The following GRM8 variants were observed in gnomAD, a reference collection of about 807,000 sequenced individuals.
GRM8 encodes the protein metabotropic glutamate receptor 8.
Under a neutral mutation model 87.2 loss-of-function variants are expected in GRM8, and 47 were observed. That is an observed-to-expected ratio of 0.54 (90% CI 0.43 to 0.69). The LOEUF (loss-of-function observed/expected upper bound fraction) is 0.69. Ranked by LOEUF, GRM8 falls within the 30% of genes least tolerant of loss-of-function variation. The pLI, the probability that GRM8 is intolerant of heterozygous loss-of-function variation, is 0.00. For synonymous variants in GRM8, 396 were observed against 404.5 expected (o/e 0.98, Z 0.25); for missense variants, 1,019 against 1,139.2 (o/e 0.89, Z 1.52).
intron 8 of GRM8, among the ~76,000 whole-genome samples, chr7:126,542,031 C>G (rs942326574): frequency 1.4e-4 from 21 of 152,282 alleles, no homozygotes; most frequent in African/African-American, 4.8e-4. Context: ...AATTAGGACA[C>G]AGGCATGAAT....
chr7:127,144,255 A>C (rs1206434770), intron 2 of GRM8, among the ~76,000 whole-genome samples: 1 of 152,146 alleles, frequency 6.6e-6, no homozygotes, highest in Non-Finnish European at 1.5e-5. Context: ...TTTATCAAGA[A>C]GAAAAAGAAA....
At chr7:127,249,410 G>T (rs1222306505) in intron 1 of GRM8, among the ~76,000 whole-genome samples, 1 of 152,126 alleles carries the variant, frequency 6.6e-6, no homozygotes, top group Non-Finnish European at 1.5e-5. Context: ...TCCTAGGAGA[G>T]CCATAATTTA....
intron 2 of GRM8, among the ~76,000 whole-genome samples, chr7:127,157,015 T>G (rs1279977763): frequency 6.6e-6 from 1 of 152,100 alleles, no homozygotes; most frequent in African/African-American, 2.4e-5. Context: ...AATATACAAG[T>G]GTCCACATCT....
At chr7:126,662,233 A>G (rs1805254636) in intron 7 of GRM8, among the ~76,000 whole-genome samples, 1 of 152,232 alleles carries the variant, frequency 6.6e-6, no homozygotes, top group African/African-American at 2.4e-5. Flanking sequence ...AGAATAAGCA[A>G]TGATAAAAAC....
intron 8 of GRM8, among the ~76,000 whole-genome samples, chr7:126,566,845 C>A (rs1794259754): frequency 6.6e-6 from 1 of 152,018 alleles, no homozygotes; most frequent in Non-Finnish European, 1.5e-5. Flanking sequence ...TATTATTTAT[C>A]TTTTTTAAAG....
At chr7:126,920,295 A>C (rs1028539637) in intron 3 of GRM8, among the ~76,000 whole-genome samples, 19 of 152,092 alleles carry the variant, frequency 1.2e-4, no homozygotes, top group African/African-American at 4.6e-4. Context: ...TGTTTAAGCT[A>C]CTCAGTTTAT....
chr7:126,588,068 T>C (rs1402714585), intron 8 of GRM8, among the ~76,000 whole-genome samples: 1 of 152,178 alleles, frequency 6.6e-6, no homozygotes, highest in Non-Finnish European at 1.5e-5. Flanking sequence ...ATGTAATGGC[T>C]TCATCTAGAA....
chr7:126,772,374 A>G (rs1466996709), intron 6 of GRM8, among the ~76,000 whole-genome samples: 4 of 152,128 alleles, frequency 2.6e-5, no homozygotes, highest in Non-Finnish European at 5.9e-5. Flanking sequence ...GCTGAACTTG[A>G]TAACGGAAAA....
At chr7:126,968,590 G>A (rs1470827230) in intron 3 of GRM8, among the ~76,000 whole-genome samples, 3 of 152,060 alleles carry the variant, frequency 2.0e-5, no homozygotes. Context: ...TTTGTATTTT[G>A]ATACAGTTTC....
chr7:126,504,971 A>G (rs985784765), intron 9 of GRM8, among the ~76,000 whole-genome samples: 3 of 152,102 alleles, frequency 2.0e-5, no homozygotes, highest in Non-Finnish European at 4.4e-5. Flanking sequence ...AGTGGAGCCA[A>G]GTTATAGAGG....
intron 7 of GRM8, among the ~76,000 whole-genome samples, chr7:126,666,016 T>C (rs947433008): frequency 1.3e-5 from 2 of 152,094 alleles, no homozygotes; most frequent in African/African-American, 4.8e-5. Context: ...CTTTCTTCAT[T>C]AGGGCTATTG....
chr7:126,853,440 C>T (rs1797401716), intron 6 of GRM8, among the ~76,000 whole-genome samples: 1 of 152,124 alleles, frequency 6.6e-6, no homozygotes, highest in South Asian at 2.1e-4. Flanking sequence ...ACAAGTCTTG[C>T]AGAGGCTGCC....
chr7:126,532,770 T>TATAG, intron 9 of GRM8, among the ~76,000 whole-genome samples, 182 bp downstream of exon 9: 1 of 6,200 alleles, frequency 1.6e-4, no homozygotes, highest in Non-Finnish European at 3.0e-4. Flanking sequence ...TGGAGATATA[T>TATAG]ATATATATAT....
intron 2 of GRM8, among the ~76,000 whole-genome samples, chr7:127,112,699 A>G (rs1304182765): frequency 6.6e-6 from 1 of 152,204 alleles, no homozygotes; most frequent in African/African-American, 2.4e-5. Context: ...ACCAAGCTGA[A>G]GTGATGGAAT....
chr7:126,664,555 TA>T (rs2151289443), intron 7 of GRM8, among the ~76,000 whole-genome samples: 1 of 152,266 alleles, frequency 6.6e-6, no homozygotes, highest in African/African-American at 2.4e-5. Context: ...GGTCCTGGGA[TA>T]ACTGGCTAGC....
chr7:127,055,853 G>A (rs2132532814), intron 3 of GRM8, among the ~76,000 whole-genome samples: 1 of 152,016 alleles, frequency 6.6e-6, no homozygotes, highest in African/African-American at 2.4e-5. Flanking sequence ...GGGTAAACAA[G>A]ATTCTGGGAG....
chr7:126,834,141 A>T (rs950354704), intron 6 of GRM8, among the ~76,000 whole-genome samples: 1 of 152,230 alleles, frequency 6.6e-6, no homozygotes, highest in African/African-American at 2.4e-5. Flanking sequence ...AAATGGTGCT[A>T]GGTAATATAG....
rs535307101 is a variant in GRM8, at chr7:127,157,106, G to T, written c.511-50394C>A. Among the ~76,000 whole-genome samples, 50 of 151,910 alleles carry T rather than the reference G, an allele frequency of 3.3e-4. 1 individual carries two copies. In the South Asian group the frequency reaches 0.01, roughly 31 times the overall value. On this transcript the variant is annotated intron_variant, in intron 2 of 10. Coordinates refer to ENST00000339582, the MANE Select transcript of GRM8 (RefSeq NM_000845.3). ...GAAAATTTCTATGAATTAAAGAAAG[G>T]GGAAAAACTATAGATTAAAGGTCTA... is the stretch of plus-strand genomic sequence containing the variant.
At chr7:127,024,117 C>A (rs1241488847) in intron 3 of GRM8, among the ~76,000 whole-genome samples, 3 of 152,090 alleles carry the variant, frequency 2.0e-5, no homozygotes, top group Non-Finnish European at 2.9e-5. Context: ...CATCACTGCA[C>A]TGCTACTCAT....
Sources: allele counts gnomAD v4.1 joint callset (sites outside exome capture counted in the v4.1 genomes callset), GRCh38; gene constraint gnomAD v4.1.1; transcripts MANE v1.5; gene names NCBI Gene and HGNC (gene_info 2026-07-23, HGNC 2026-07-21).